The following CDYL variants were observed in gnomAD, a reference collection of about 807,000 sequenced individuals.
The protein encoded by CDYL is chromodomain Y like, also known as chromodomain Y-like protein.
In CDYL, 8 loss-of-function variants were observed where a neutral mutation model predicts 47.3. That is an observed-to-expected ratio of 0.17 (90% CI 0.10 to 0.31). The LOEUF (loss-of-function observed/expected upper bound fraction) is 0.31, where lower values mean the gene tolerates loss of function less well. Among genes scored for constraint, CDYL ranks in the 10% least tolerant of loss-of-function variants. CDYL has a pLI of 1.00. For missense variants in CDYL, 471 were observed against 701.4 expected, an observed-to-expected ratio of 0.67 and a Z score of 3.71; for synonymous variants, 266 against 265.0, an observed-to-expected ratio of 1.00 and a Z score of -0.04.
At chr6:4,803,905 T>C (rs1172608228) in intron 1 of CDYL, among the ~76,000 whole-genome samples, 5 of 152,006 alleles carry the variant, frequency 3.3e-5, no homozygotes, top group Non-Finnish European at 5.9e-5. Flanking sequence ...TTTGTCCTTA[T>C]ATTGGTGGTG....
chr6:4,799,185 A>G (rs1759155725), intron 1 of CDYL, among the ~76,000 whole-genome samples: 1 of 152,230 alleles, frequency 6.6e-6, no homozygotes, highest in African/African-American at 2.4e-5. Flanking sequence ...TGGGTTTAGA[A>G]TTAGGTTAAA....
At chr6:4,748,708 A>G (rs76296652) in intron 3 of CDYL, among the ~76,000 whole-genome samples, 5,854 of 152,036 alleles carry the variant, frequency 0.039, 379 homozygotes, top group African/African-American at 0.13. Context: ...AAAAAATATA[A>G]AGAAAAGAAA....
chr6:4,818,720 G>A (rs934407199), intron 1 of CDYL, among the ~76,000 whole-genome samples: 3 of 152,176 alleles, frequency 2.0e-5, no homozygotes, highest in African/African-American at 4.8e-5. Flanking sequence ...AGGCACAGTT[G>A]TATTCCGTAG....
At chr6:4,820,347 T>C (rs373900318) in intron 1 of CDYL, among the ~76,000 whole-genome samples, 21 of 152,314 alleles carry the variant, frequency 1.4e-4, no homozygotes, top group African/African-American at 4.6e-4. Context: ...ACAGCTTCCC[T>C]GATGTTAGGC....
rs149713761 is a variant in CDYL at position 4,820,918 on chromosome 6, A to G, written c.24+44111A>G. 8.4e-3 allele frequency among the ~76,000 whole-genome samples: 1,287 copies of G among 152,322 alleles called. 22 individuals are homozygous for G. The highest frequency in any genetic ancestry group is 0.03 in the African/African-American group (1,238 of 41,574). On this transcript the variant is annotated intron_variant, in intron 1 of 6. Transcript: ENST00000397588. ...AAAACATCCGCAGGCCTTGACTCACATCTGGAATGTGACATCCACAACCAG... is the reference window on the plus strand; with the variant it reads ...AAAACATCCGCAGGCCTTGACTCACGTCTGGAATGTGACATCCACAACCAG...
chr6:4,757,215 AG>A (rs1168696189), intron 3 of CDYL, among the ~76,000 whole-genome samples: 1 of 152,260 alleles, frequency 6.6e-6, no homozygotes, highest in Non-Finnish European at 1.5e-5. Flanking sequence ...CAAGAAAATG[AG>A]AAAAACATTA....
At chr6:4,835,703 ATCC>A (rs1760280136) in intron 1 of CDYL, among the ~76,000 whole-genome samples, 1 of 152,138 alleles carries the variant, frequency 6.6e-6, no homozygotes, top group Non-Finnish European at 1.5e-5. Context: ...CAGGCAGGCA[ATCC>A]TCCTTGAGCT....
intron 1 of CDYL, among the ~76,000 whole-genome samples, chr6:4,790,986 GT>G (rs1261721824): frequency 6.6e-6 from 1 of 152,174 alleles, no homozygotes; most frequent in Non-Finnish European, 1.5e-5. Flanking sequence ...GAGAATTTGA[GT>G]TTTTAAAAAA....
intron 4 of CDYL, among the ~76,000 whole-genome samples, chr6:4,942,347 C>T (rs1036311907): frequency 4.6e-5 from 7 of 152,162 alleles, no homozygotes; most frequent in African/African-American, 1.2e-4. Flanking sequence ...ATGAGTCATC[C>T]GTCAGTGTCT....
At chr6:4,759,327 G>T (rs967681346) in intron 3 of CDYL, among the ~76,000 whole-genome samples, 1 of 152,032 alleles carries the variant, frequency 6.6e-6, no homozygotes, top group South Asian at 2.1e-4. Flanking sequence ...TTTCATATGT[G>T]TATCTTTCCA....
intron 2 of CDYL, among the ~76,000 whole-genome samples, chr6:4,900,169 A>G (rs1235892339): frequency 1.3e-5 from 2 of 152,172 alleles, no homozygotes; most frequent in East Asian, 1.9e-4. Flanking sequence ...ATCTTTTTCT[A>G]TGAATTTATA....
intron 1 of CDYL, among the ~76,000 whole-genome samples, chr6:4,852,511 CCAAT>C (rs1440186523): frequency 8.6e-5 from 9 of 105,034 alleles, no homozygotes; most frequent in South Asian, 3.2e-4. Context: ...TTCCTTCCTT[CCAAT>C]CTTCCTTCCT....
intron 1 of CDYL, among the ~76,000 whole-genome samples, chr6:4,817,324 T>G (rs781578010): frequency 6.6e-6 from 1 of 151,558 alleles, no homozygotes; most frequent in Admixed American, 6.6e-5. Flanking sequence ...TGTGACCTAC[T>G]CTTCAATCAC....
At chr6:4,867,166 A>G (rs1423568737) in intron 1 of CDYL, among the ~76,000 whole-genome samples, 3 of 152,006 alleles carry the variant, frequency 2.0e-5, no homozygotes, top group African/African-American at 7.2e-5. Context: ...TTTCATTTCT[A>G]ATGTTTTGTT....
At chr6:4,779,983 A>G (rs1399804723) in intron 1 of CDYL, among the ~76,000 whole-genome samples, 1 of 152,190 alleles carries the variant, frequency 6.6e-6, no homozygotes, top group African/African-American at 2.4e-5. Context: ...TTACAAATGT[A>G]AAAATGATTC....
At chr6:4,849,091 G>C (rs905852720) in intron 1 of CDYL, among the ~76,000 whole-genome samples, 2 of 152,172 alleles carry the variant, frequency 1.3e-5, no homozygotes, top group African/African-American at 4.8e-5. Context: ...ATTTAGCTTA[G>C]AAGAGTGGTC....
chr6:4,769,313 TA>T (rs1758302103), intron 3 of CDYL, among the ~76,000 whole-genome samples: 3 of 152,318 alleles, frequency 2.0e-5, no homozygotes, highest in Non-Finnish European at 4.4e-5. Context: ...CTAAATCTGT[TA>T]AAATCTAAAT....
At position 4,935,706 on chromosome 6, in the gene CDYL, C is replaced by G; in HGVS notation, c.883C>G (p.Gln295Glu). The G allele has an allele frequency of 1.2e-6, 2 of 1,614,222 alleles. No homozygotes were observed. Among genetic ancestry groups the G allele is most frequent in the Non-Finnish European group, 1.7e-6 (2 of 1,180,044 alleles). ...YRYRDIVVRK[Q>E]DGFTHILLST... ...ATACAGAGATATTGTGGTCAGGAAG[C>G]AGGATGGCTTCACCCACATCTTGTT... Residue 295 changes from glutamine (Q) to glutamate (E), a missense_variant, in exon 3 of 7, where the codon CAG becomes GAG. By Grantham distance (29) the Gln-to-Glu change is conservative. This residue lies in a region of CDYL where 103 missense variants were observed against 277.1 expected (regional missense o/e 0.37). Transcript: ENST00000397588.
chr6:4,776,027 C>G (rs1387941015), upstream of CDYL, among the ~76,000 whole-genome samples: 10 of 150,232 alleles, frequency 6.7e-5, no homozygotes, highest in East Asian at 1.6e-3. Context: ...CGCCTCGAAC[C>G]TCGAGGTCCA....
Sources: gnomAD v4.1 joint callset for allele counts (sites outside exome capture counted in the v4.1 genomes callset) on GRCh38, gnomAD v4.1.1 for gene constraint, gnomAD v4.1.1 regional missense constraint, MANE v1.5 for transcripts, NCBI Gene and HGNC (gene_info 2026-07-23, HGNC 2026-07-21) for gene names.